RPGRIP1: variants seen among roughly 807,000 people sequenced by gnomAD.
RPGRIP1 encodes RPGR interacting protein 1, also known as X-linked retinitis pigmentosa GTPase regulator-interacting protein 1.
RPGRIP1 carries 128 observed loss-of-function variants against 157.9 expected under a neutral mutation model. The observed-to-expected ratio is 0.81, with a 90% CI of 0.70 to 0.94. The LOEUF (loss-of-function observed/expected upper bound fraction) is 0.94. Ranked by LOEUF, RPGRIP1 falls within the 40% of genes least tolerant of loss-of-function variation. RPGRIP1 has a pLI of 0.00. For synonymous variants in RPGRIP1, 554 were observed against 571.6 expected, an observed-to-expected ratio of 0.97 and a Z score of 0.44; for missense variants, 1,486 against 1,545.8, an observed-to-expected ratio of 0.96 and a Z score of 0.65.
chr14:21,323,914 A>G (rs548613618), intron 14 of RPGRIP1: 1 of 154,056 alleles, frequency 6.5e-6, no homozygotes, highest in South Asian at 2.0e-4. Context: ...CCCAATTTGA[A>G]GCAGGCTATA....
chr14:21,318,859 TC>T (rs1882089067), intron 11 of RPGRIP1, among the ~76,000 whole-genome samples: 1 of 151,694 alleles, frequency 6.6e-6, no homozygotes, highest in Non-Finnish European at 1.5e-5. Flanking sequence ...TTTTTTGCCA[TC>T]CAATTCTTGA....
intron 20 of RPGRIP1, among the ~76,000 whole-genome samples, chr14:21,333,988 T>G (rs907654858): frequency 2.3e-4 from 34 of 149,706 alleles, no homozygotes; most frequent in Non-Finnish European, 3.1e-4. Context: ...AGTGGCTCGA[T>G]CTTGGCTCAC....
At chr14:21,317,171 C>T (rs181046912) in intron 10 of RPGRIP1, among the ~76,000 whole-genome samples, 21 of 151,944 alleles carry the variant, frequency 1.4e-4, no homozygotes, top group Admixed American at 9.2e-4. Flanking sequence ...GTATTTTATA[C>T]TCAAAATGGG....
At chr14:21,307,553 T>C (rs1203502188) in intron 6 of RPGRIP1, among the ~76,000 whole-genome samples, 178 bp from the exon 7 acceptor site, 1 of 152,180 alleles carries the variant, frequency 6.6e-6, no homozygotes, top group Non-Finnish European at 1.5e-5. Context: ...TGATGAGAAA[T>C]GGGAGAAAGG....
rs962833242 is a variant in RPGRIP1, at chr14:21,307,723, C to G, written c.801-8C>G. Reference sequence around the variant, plus strand: ...TCAGACAGAATAATTTAGCGCCTTTCTCTGCAGAGCTTCCATTAAAGAGAA... The same window carrying G: ...TCAGACAGAATAATTTAGCGCCTTTGTCTGCAGAGCTTCCATTAAAGAGAA... On this transcript the variant is annotated splice_region_variant and splice_polypyrimidine_tract_variant and intron_variant, in intron 6 of 24. Coordinates refer to ENST00000400017, the MANE Select transcript of RPGRIP1 (RefSeq NM_020366.4). 6.5e-7 allele frequency: 1 copy of G among 1,527,944 alleles called. No individual in the cohort carries two copies. Among genetic ancestry groups the G allele is most frequent in the Non-Finnish European group, 8.9e-7 (1 of 1,123,284 alleles). 94.6% of individuals were successfully genotyped at this position (1,527,944 alleles called of 1,614,324 possible). A position where few individuals can be genotyped will look rare whatever the true frequency, so the allele number is the denominator to read the frequency against.
chr14:21,314,934 G>A (rs928289181), intron 10 of RPGRIP1, among the ~76,000 whole-genome samples: 17 of 151,286 alleles, frequency 1.1e-4, no homozygotes, highest in African/African-American at 1.7e-4. Flanking sequence ...GAGGCAGGGC[G>A]AATTGCTTGG....
rs559041866 is a variant in RPGRIP1 at position 21,322,003 on chromosome 14, T to C, written c.1761T>C (p.Ser587=). ...TAAGAAGCCATGACCTTCCAACATC[T>C]GGCAAGTCTTAGTCCTTTGTTCTCC... The part of the protein sequence containing the change: ...GILRSHDLPT[S]EQLKDVAYGT... Residue 587 remains serine (S), a splice_region_variant and synonymous_variant, in exon 14 of 25, where the codon TCT becomes TCC. Coordinates refer to ENST00000400017, the MANE Select transcript of RPGRIP1 (RefSeq NM_020366.4). The C allele has an allele frequency of 3.9e-5, 63 of 1,611,944 alleles. No individual in the cohort carries two copies. The Admixed American group carries it at 9.9e-4, about 25-fold the overall frequency.
At chr14:21,301,765 C>T (rs1881047670) in intron 4 of RPGRIP1, among the ~76,000 whole-genome samples, 1 of 150,876 alleles carries the variant, frequency 6.6e-6, no homozygotes, top group Admixed American at 6.6e-5. Context: ...GCAGTCCCAC[C>T]TACTTGGGAA....
chr14:21,334,763 C>A, intron 21 of RPGRIP1, 58 bp downstream of exon 21: 1 of 1,180,766 alleles, frequency 8.5e-7, no homozygotes, highest in Non-Finnish European at 1.2e-6. Context: ...ATGACAGTGG[C>A]CAGTCATGGG....
chr14:21,326,091 T>C lies in RPGRIP1; in HGVS notation c.2628T>C (p.Asp876=). 2 of 1,613,272 alleles carry C rather than the reference T, an allele frequency of 1.2e-6. No homozygotes were observed. The highest frequency in any genetic ancestry group is 1.7e-6 in the Non-Finnish European group (2 of 1,179,378). The change falls in exon 17 of 25, where the codon GAT becomes GAC. Residue 876 remains aspartate, a synonymous_variant. Coordinates refer to ENST00000400017, the MANE Select transcript of RPGRIP1 (RefSeq NM_020366.4). ...AGGCCTTGTCTATACATGTTTTTGA[T>C]GATGAAGACTTAGAGCCTGGCTCGT... The part of the protein sequence containing the change: ...RREALSIHVF[D]DEDLEPGSYL...
intron 23 of RPGRIP1, among the ~76,000 whole-genome samples, chr14:21,345,875 A>C (rs909002500): frequency 6.6e-6 from 1 of 152,020 alleles, no homozygotes. Context: ...GCTGGAGTGC[A>C]GTGGTACAAT....
At chr14:21,280,231 TAA>T (rs1277503855) in intron 1 of RPGRIP1, among the ~76,000 whole-genome samples, 72 bp downstream of exon 1, 2 of 145,730 alleles carry the variant, frequency 1.4e-5, no homozygotes, top group African/African-American at 5.0e-5. Context: ...AAGAATGAAA[TAA>T]GTTTATTCTT....
chr14:21,302,865 G>GTTTT lies in RPGRIP1; in HGVS notation c.587+300_587+303dup, dbSNP rs59447072. ...CCTTAGGTCATAATTCCTTTGTTGT[G>GTTTT]TTTTTTTTTTTTTTTTTTTTTTGAG... is the stretch of plus-strand genomic sequence containing the variant. On this transcript the variant is annotated intron_variant, in intron 5 of 24. Coordinates refer to ENST00000400017, the MANE Select transcript of RPGRIP1 (RefSeq NM_020366.4). The GTTTT allele has an allele frequency of 5.3e-3, 471 of 88,260 alleles. 5 individuals are homozygous for GTTTT. Among genetic ancestry groups the GTTTT allele is most frequent in the African/African-American group, 0.011 (244 of 21,512 alleles). The allele number at this position is 88,260 out of a possible 1,614,324, so 5.5% of individuals were successfully genotyped here.
chr14:21,294,484 T>G (rs1334088801), intron 2 of RPGRIP1, among the ~76,000 whole-genome samples, 193 bp from the exon 3 acceptor site: 5 of 152,146 alleles, frequency 3.3e-5, no homozygotes, highest in African/African-American at 1.2e-4. Flanking sequence ...TGCCTCAGCT[T>G]CCCAAAGTGC....
intron 7 of RPGRIP1, among the ~76,000 whole-genome samples, chr14:21,308,529 A>T: frequency 6.6e-6 from 1 of 152,274 alleles, no homozygotes; most frequent in Middle Eastern, 3.4e-3. Flanking sequence ...CAGGACACAA[A>T]AGAGAGAGTA....
At chr14:21,320,200 T>TAGTC in intron 12 of RPGRIP1, 23 bp downstream of exon 12, 1 of 1,599,818 alleles carries the variant, frequency 6.3e-7, no homozygotes, top group African/African-American at 1.3e-5. Flanking sequence ...TTAAACAAAC[T>TAGTC]AGTCCACTCT....
At chr14:21,318,272 ATTTT>A in intron 11 of RPGRIP1, 2 of 323,300 alleles carry the variant, frequency 6.2e-6, no homozygotes, top group Admixed American at 4.2e-5. Context: ...ACGCCTGGCT[ATTTT>A]TTTTTTTTTG....
chr14:21,321,886 CA>C lies in RPGRIP1; in HGVS notation c.1646del (p.Asn549MetfsTer13), dbSNP rs750815560. ...TGGAGGCAATGATGACAAAAGCTGA[CA>C]ATGATAATAGAGATCACAAAGAAAA... The part of the protein sequence containing the change: ...ELEAMMTKAD[N>X]DNRDHKEKLE... On this transcript the variant is annotated frameshift_variant, in exon 14 of 25. Coordinates refer to ENST00000400017, the MANE Select transcript of RPGRIP1 (RefSeq NM_020366.4). LOFTEE classifies it high-confidence loss of function. The C allele has an allele frequency of 1.2e-6, 2 of 1,613,040 alleles. No individual in the cohort carries two copies. The highest frequency in any genetic ancestry group is 1.7e-6 in the Non-Finnish European group (2 of 1,179,456).
intron 22 of RPGRIP1, among the ~76,000 whole-genome samples, chr14:21,344,199 TATTA>T (rs1268242081): frequency 6.6e-6 from 1 of 152,156 alleles, no homozygotes; most frequent in Non-Finnish European, 1.5e-5. Context: ...GATATGTAAA[TATTA>T]ATTCTTGCAG....
Sources: allele counts gnomAD v4.1 joint callset (sites outside exome capture counted in the v4.1 genomes callset), GRCh38; gene constraint gnomAD v4.1.1; transcripts MANE v1.5; gene names NCBI Gene and HGNC (gene_info 2026-07-23, HGNC 2026-07-21).